The following LAMA4 variants were observed in gnomAD, a reference collection of about 807,000 sequenced individuals.
LAMA4 encodes the protein laminin subunit alpha-4.
In LAMA4, 127 loss-of-function variants were observed where a neutral mutation model predicts 207.1. The ratio of observed to expected loss-of-function variants is 0.61; its 90% CI spans 0.53 to 0.71. The LOEUF is 0.71. Among genes scored for constraint, LAMA4 ranks in the 30% least tolerant of loss-of-function variants. The probability of loss-of-function intolerance (pLI) is 0.00; values close to 1 mark genes in which losing one functional copy is unlikely to be tolerated. For synonymous variants in LAMA4, 761 were observed against 816.0 expected (o/e 0.93, Z 1.15); for missense variants, 2,093 against 2,246.5 (o/e 0.93, Z 1.38).
At position 112,189,148 on chromosome 6, in the gene LAMA4, C is replaced by T. The variant is rs1554347678; in HGVS notation, c.776G>A (p.Gly259Asp). 1 of 1,614,072 alleles carries T rather than the reference C, an allele frequency of 6.2e-7. No individual in the cohort carries two copies. The highest frequency in any genetic ancestry group is 1.1e-5 in the South Asian group (1 of 91,074). The change falls in exon 7 of 39, where the codon GGT (glycine) becomes GAT (aspartate). Residue 259 changes from glycine (G) to aspartate (D), a missense_variant. By Grantham distance (94) the Gly-to-Asp change is moderately conservative (BLOSUM62 -1). Transcript: ENST00000230538. ...GTCCATGCCTGTAGGGGGTTCAAAACCTTCTTCCAAGCATTCTCCGGTTAC... is the reference window on the plus strand; with the variant it reads ...GTCCATGCCTGTAGGGGGTTCAAAATCTTCTTCCAAGCATTCTCCGGTTAC... ...DSVTGECLEE[G>D]FEPPTGMDCP...
intron 9 of LAMA4, among the ~76,000 whole-genome samples, chr6:112,182,350 C>G (rs1782418487): frequency 6.6e-6 from 1 of 152,148 alleles, no homozygotes; most frequent in Non-Finnish European, 1.5e-5. Context: ...AATGCAATGC[C>G]TATACATCAC....
chr6:112,190,988 C>T (rs898572107), intron 6 of LAMA4, among the ~76,000 whole-genome samples: 1 of 88,378 alleles, frequency 1.1e-5, no homozygotes, highest in Non-Finnish European at 2.3e-5. Context: ...TTCTTTCTTT[C>T]CTCTTTCTTT....
chr6:112,225,413 T>A (rs954073508), intron 2 of LAMA4, among the ~76,000 whole-genome samples: 1 of 152,236 alleles, frequency 6.6e-6, no homozygotes, highest in African/African-American at 2.4e-5. Flanking sequence ...GTATTTTGCA[T>A]TAAAGTAATT....
At chr6:112,203,210 A>T (rs1026387875) in intron 4 of LAMA4, among the ~76,000 whole-genome samples, 1 of 152,132 alleles carries the variant, frequency 6.6e-6, no homozygotes, top group Non-Finnish European at 1.5e-5. Context: ...CACTGTAACC[A>T]CTGTGGTGCC....
intron 22 of LAMA4, 44 bp from the exon 23 acceptor site, chr6:112,139,929 T>G (rs1779589916): frequency 6.2e-7 from 1 of 1,601,322 alleles, no homozygotes; most frequent in African/African-American, 1.3e-5. Context: ...ATGGTCATAT[T>G]TTACTCAGAC....
chr6:112,231,503 A>T (rs1785559565), intron 2 of LAMA4, among the ~76,000 whole-genome samples: 1 of 151,612 alleles, frequency 6.6e-6, no homozygotes, highest in African/African-American at 2.4e-5. Flanking sequence ...TAGTGTAGAT[A>T]GAAATAGACC....
intron 2 of LAMA4, among the ~76,000 whole-genome samples, chr6:112,244,146 C>T (rs1173291447): frequency 6.6e-6 from 1 of 152,204 alleles, no homozygotes; most frequent in African/African-American, 2.4e-5. Flanking sequence ...ACCAGCAGGA[C>T]TGGTTTCACA....
At chr6:112,221,805 T>G (rs938420661) in intron 2 of LAMA4, among the ~76,000 whole-genome samples, 23 of 152,208 alleles carry the variant, frequency 1.5e-4, no homozygotes, top group African/African-American at 4.8e-4. Context: ...TCAGATAGTA[T>G]TCAAGGATTT....
chr6:112,197,830 G>A (rs1203805748), intron 5 of LAMA4, among the ~76,000 whole-genome samples: 1 of 152,138 alleles, frequency 6.6e-6, no homozygotes, highest in East Asian at 1.9e-4. Flanking sequence ...CCAATTGTCT[G>A]TAATGTGTCA....
intron 13 of LAMA4, among the ~76,000 whole-genome samples, chr6:112,161,793 C>A (rs144276334): frequency 6.6e-6 from 1 of 152,174 alleles, no homozygotes; most frequent in African/African-American, 2.4e-5. Context: ...GATCTGAGGG[C>A]AGCAGGTGCA....
At chr6:112,123,531 A>G (rs1281788897) in intron 31 of LAMA4, among the ~76,000 whole-genome samples, 1 of 152,192 alleles carries the variant, frequency 6.6e-6, no homozygotes, top group Non-Finnish European at 1.5e-5. Context: ...TAAAACCCTT[A>G]ATCTCATAAG....
At chr6:112,186,849 T>G in intron 8 of LAMA4, 1 of 455,560 alleles carries the variant, frequency 2.2e-6, no homozygotes, top group Non-Finnish European at 4.4e-6. Flanking sequence ...GTATTACTGT[T>G]TTTGTTTTTT....
intron 2 of LAMA4, chr6:112,234,905 T>TGGATACCCAAATATCTTC: frequency 6.6e-6 from 1 of 152,336 alleles, no homozygotes; most frequent in East Asian, 1.9e-4. Context: ...CAAATATCTT[T>TGGATACCCAAATATCTTC]GGATATCCAA....
Position 112,117,665 on chromosome 6 carries a change from G to T in LAMA4, c.4981+74C>A. The stretch of plus-strand genomic sequence containing the variant: ...TGGCATTCTTAAGTTTTAACTCTGG[G>T]CCTGATATTCCCTGTTAGCCATCTC... On this transcript the variant is annotated intron_variant, in intron 35 of 38. Transcript: ENST00000230538. This position sits in a 1 kb window ranked among gnomAD's most constrained non-coding sequence, Gnocchi z 4.5. 1 of 1,442,562 alleles carries T rather than the reference G, an allele frequency of 6.9e-7. No individual in the cohort carries two copies. Among genetic ancestry groups the T allele is most frequent in the Non-Finnish European group, 9.7e-7 (1 of 1,027,696 alleles). 89.4% of individuals were successfully genotyped at this position (1,442,562 alleles called of 1,614,324 possible). A position where few individuals can be genotyped will look rare whatever the true frequency, so the allele number is the denominator to read the frequency against.
chr6:112,119,271 A>G lies in LAMA4; in HGVS notation c.4706T>C (p.Ile1569Thr), dbSNP rs781790835. Residue 1569 changes from isoleucine to threonine, a missense_variant, in exon 34 of 39, where the codon ATT (isoleucine) becomes ACT (threonine). Transcript: ENST00000230538. ...IRERSSGRLV[I>T]DGLRVLEESL... ...TTCTTCTAGGACTCGGAGACCATCAATTACCAGTCGGCCACTGCTCCTTTC... is the reference window on the plus strand; with the variant it reads ...TTCTTCTAGGACTCGGAGACCATCAGTTACCAGTCGGCCACTGCTCCTTTC... The G allele has an allele frequency of 4.3e-6, 7 of 1,614,084 alleles. No homozygotes were observed. The highest frequency in any genetic ancestry group is 1.1e-5 in the South Asian group (1 of 91,084).
intron 4 of LAMA4, among the ~76,000 whole-genome samples, chr6:112,202,767 T>C (rs1208441623): frequency 6.6e-6 from 1 of 152,204 alleles, no homozygotes; most frequent in Non-Finnish European, 1.5e-5. Flanking sequence ...TGTTCTGATT[T>C]CTTAGCCTAC....
At chr6:112,253,647 G>T in intron 2 of LAMA4, 1 of 1,195,000 alleles carries the variant, frequency 8.4e-7, no homozygotes, top group Non-Finnish European at 1.2e-6. Context: ...ACACGCAAGT[G>T]GCAGAAGTCA....
At chr6:112,130,231 C>T (rs1778951475) in intron 29 of LAMA4, 191 bp from the exon 30 acceptor site, 1 of 594,308 alleles carries the variant, frequency 1.7e-6, no homozygotes, top group Non-Finnish European at 3.0e-6. Flanking sequence ...AAAAAAGATC[C>T]TCCAAACCAA....
chr6:112,205,070 C>T (rs1056602942), intron 4 of LAMA4, among the ~76,000 whole-genome samples: 1 of 152,036 alleles, frequency 6.6e-6, no homozygotes, highest in African/African-American at 2.4e-5. Flanking sequence ...TGAGTGAGTG[C>T]GTGTGTGTAG....
Sources: gnomAD v4.1 joint callset for allele counts (sites outside exome capture counted in the v4.1 genomes callset) on GRCh38, gnomAD v4.1.1 for gene constraint, Gnocchi (gnomAD v3.1) non-coding constraint, MANE v1.5 for transcripts, NCBI Gene and HGNC (gene_info 2026-07-23, HGNC 2026-07-21) for gene names.